The following YEATS4 variants were observed in gnomAD, a reference collection of about 807,000 sequenced individuals.
YEATS4 encodes the protein YEATS domain-containing protein 4.
A neutral mutation model predicts 30.1 loss-of-function variants in YEATS4; 17 were observed. That is an observed-to-expected ratio of 0.56 (90% confidence interval 0.39 to 0.85). The LOEUF (loss-of-function observed/expected upper bound fraction) is 0.85. YEATS4 is among the 40% of genes least tolerant of loss of function. The pLI is 0.00. For synonymous variants in YEATS4, 85 were observed against 87.5 expected, an observed-to-expected ratio of 0.97 and a Z score of 0.16; for missense variants, 142 against 268.3, an observed-to-expected ratio of 0.53 and a Z score of 3.29.
chr12:69,368,646 A>G (rs1875526870), intron 4 of YEATS4, among the ~76,000 whole-genome samples: 1 of 152,220 alleles, frequency 6.6e-6, no homozygotes, highest in African/African-American at 2.4e-5. Context: ...TTATTCCCAC[A>G]GATCTGAAGG....
chr12:69,360,053 G>T (rs758653269), intron 1 of YEATS4, 30 bp downstream of exon 1: 2 of 1,607,908 alleles, frequency 1.2e-6, no homozygotes, highest in African/African-American at 1.3e-5. Flanking sequence ...CTCTTCCGGG[G>T]TGGCTCTCCC....
At chr12:69,374,737 T>A (rs1342745168) in intron 6 of YEATS4, among the ~76,000 whole-genome samples, 3 of 151,784 alleles carry the variant, frequency 2.0e-5, no homozygotes. Context: ...CAGAAGAATT[T>A]TTCTTAGTAC....
intron 6 of YEATS4, 108 bp from the exon 7 acceptor site, chr12:69,390,039 C>A: frequency 1.1e-6 from 1 of 903,826 alleles, no homozygotes; most frequent in Non-Finnish European, 1.6e-6. Context: ...AAGTTATCCA[C>A]ATTTCATCAT....
chr12:69,363,066 C>T, intron 2 of YEATS4, 159 bp downstream of exon 2: 1 of 505,724 alleles, frequency 2.0e-6, no homozygotes, highest in South Asian at 4.8e-5. Flanking sequence ...GATCTCAGCT[C>T]ACTGCAAGCT....
At chr12:69,384,036 A>G (rs868626800) in intron 6 of YEATS4, among the ~76,000 whole-genome samples, 1 of 152,240 alleles carries the variant, frequency 6.6e-6, no homozygotes, top group Non-Finnish European at 1.5e-5. Context: ...TTCATAAAAC[A>G]CTTGATTAGG....
the YEATS4 span, among the ~76,000 whole-genome samples, chr12:69,409,930 C>T: frequency 6.6e-6 from 1 of 152,128 alleles, no homozygotes; most frequent in South Asian, 2.1e-4. Context: ...AGAAGACAGC[C>T]ATCTATAAGC....
chr12:69,372,701 AT>A (rs901217855), intron 6 of YEATS4, among the ~76,000 whole-genome samples: 2 of 151,206 alleles, frequency 1.3e-5, no homozygotes, highest in Middle Eastern at 3.4e-3. Flanking sequence ...CACCTGGCTA[AT>A]TTTTTTTATA....
At chr12:69,364,084 A>G (rs1171915887) in intron 2 of YEATS4, 3 of 393,616 alleles carry the variant, frequency 7.6e-6, no homozygotes, top group Non-Finnish European at 1.5e-5. Flanking sequence ...GTAAGTGCTA[A>G]TGGATATGGC....
intron 6 of YEATS4, among the ~76,000 whole-genome samples, chr12:69,374,631 G>T (rs1252540283): frequency 6.7e-6 from 1 of 149,470 alleles, no homozygotes; most frequent in African/African-American, 2.5e-5. Flanking sequence ...GTTTAACAAA[G>T]CACATCTTGC....
chr12:69,390,457 G>A lies in YEATS4; in HGVS notation c.*141G>A. On this transcript the variant is annotated 3_prime_UTR_variant, in exon 7 of 7. Coordinates refer to ENST00000247843, the MANE Select transcript of YEATS4 (RefSeq NM_006530.4). ...GTTGACCATGAATTTCTTAGCAATA[G>A]GAATTTGTACTATTTAAGCAATCTT... 1 of 729,756 alleles carries A rather than the reference G, an allele frequency of 1.4e-6. No individual in the cohort carries two copies. Among genetic ancestry groups the A allele is most frequent in the Non-Finnish European group, 2.1e-6 (1 of 486,808 alleles). 45.2% of individuals were successfully genotyped at this position (729,756 alleles called of 1,614,324 possible). A position where few individuals can be genotyped will look rare whatever the true frequency, so the allele number is the denominator to read the frequency against.
At chr12:69,405,834 A>G in the YEATS4 span, among the ~76,000 whole-genome samples, 6 of 152,228 alleles carry the variant, frequency 3.9e-5, no homozygotes, top group Non-Finnish European at 7.3e-5. Context: ...ACCACAGGTA[A>G]TTGAAACTGA....
At chr12:69,401,155 T>C in the YEATS4 span, 1 of 150,804 alleles carries the variant, frequency 6.6e-6, no homozygotes, top group Non-Finnish European at 1.5e-5. Context: ...TACCTGTGAA[T>C]AGACACTGCA....
At chr12:69,408,251 G>A in the YEATS4 span, among the ~76,000 whole-genome samples, 62 of 152,264 alleles carry the variant, frequency 4.1e-4, 1 homozygote, top group Middle Eastern at 0.01. Context: ...GAAAAGTTGA[G>A]ACTAAGGAGA....
intron 4 of YEATS4, among the ~76,000 whole-genome samples, chr12:69,370,230 C>G (rs1286935363): frequency 6.6e-6 from 1 of 152,008 alleles, no homozygotes; most frequent in African/African-American, 2.4e-5. Flanking sequence ...TATTACTGAC[C>G]AACTTTTTAT....
intron 2 of YEATS4, chr12:69,364,132 G>A (rs749057948): frequency 2.3e-6 from 1 of 439,752 alleles, no homozygotes; most frequent in Non-Finnish European, 4.5e-6. Context: ...AAATTGTAGT[G>A]ATTCTTATGA....
At chr12:69,376,839 T>C (rs1875892951) in intron 6 of YEATS4, among the ~76,000 whole-genome samples, 1 of 152,230 alleles carries the variant, frequency 6.6e-6, no homozygotes, top group African/African-American at 2.4e-5. Flanking sequence ...CCTGGGCTTT[T>C]CTTTGCTGGG....
At chr12:69,425,140 C>T in the YEATS4 span, among the ~76,000 whole-genome samples, 1 of 152,054 alleles carries the variant, frequency 6.6e-6, no homozygotes, top group Admixed American at 6.6e-5. Context: ...TCAGGCTGGT[C>T]TCAAACTCCC....
Position 69,370,907 on chromosome 12 carries a change from C to T in YEATS4, c.446C>T (p.Ala149Val), listed in dbSNP as rs1875613442. The change falls in exon 6 of 7, where the codon GCA (alanine) becomes GTA (valine). Residue 149 changes from alanine (A) to valine (V), a missense_variant. Ala to Val is a moderately conservative substitution (Grantham distance 64). This residue lies in a region of YEATS4 where 64 missense variants were observed against 164.0 expected (regional missense o/e 0.39). Coordinates refer to ENST00000247843, the MANE Select transcript of YEATS4 (RefSeq NM_006530.4). ...YDEMIFQDPT[A>V]MMQQLLTTSR... Reference sequence around the variant, plus strand: ...CATTAGATATTTCAAGACCCAACAGCAATGATGCAACAATTATTGACAACA... The same window carrying T: ...CATTAGATATTTCAAGACCCAACAGTAATGATGCAACAATTATTGACAACA... 3 of 1,613,170 alleles carry T rather than the reference C, an allele frequency of 1.9e-6. No homozygotes were observed. The highest frequency in any genetic ancestry group is 2.7e-5 in the African/African-American group (2 of 74,864).
chr12:69,363,467 T>A (rs1875313381), intron 2 of YEATS4, among the ~76,000 whole-genome samples: 1 of 152,246 alleles, frequency 6.6e-6, no homozygotes, highest in South Asian at 2.1e-4. Context: ...ATTTATGCTA[T>A]AAATACAGTA....
Sources: allele counts gnomAD v4.1 joint callset (sites outside exome capture counted in the v4.1 genomes callset), GRCh38; gene constraint gnomAD v4.1.1; regional missense constraint gnomAD v4.1.1; transcripts MANE v1.5; gene names NCBI Gene and HGNC (gene_info 2026-07-23, HGNC 2026-07-21).